FAM171B: variants seen among roughly 807,000 people sequenced by gnomAD.
FAM171B encodes the protein family with sequence similarity 171 member B.
Under a neutral mutation model 75.6 loss-of-function variants are expected in FAM171B, and 19 were observed. The ratio of observed to expected loss-of-function variants is 0.25; its 90% CI spans 0.18 to 0.37. The LOEUF (loss-of-function observed/expected upper bound fraction) is 0.37. Among genes scored for constraint, FAM171B ranks in the 10% least tolerant of loss-of-function variants. FAM171B has a pLI of 1.00. For synonymous variants in FAM171B, 367 were observed against 361.7 expected, an observed-to-expected ratio of 1.01 and a Z score of -0.17; for missense variants, 848 against 982.4, an observed-to-expected ratio of 0.86 and a Z score of 1.83.
chr2:186,760,134 C>T (rs559714757), intron 6 of FAM171B, among the ~76,000 whole-genome samples: 28 of 152,042 alleles, frequency 1.8e-4, no homozygotes, highest in Non-Finnish European at 2.9e-4. Flanking sequence ...TGTTCTGTTC[C>T]ATTGGTCTAT....
In FAM171B at chr2:186,762,721, A is replaced by C. The variant is rs1302473309; in HGVS notation, c.2379A>C (p.Thr793=). ...CTGTTGAAGATTTTGAAGCTAATACATCCCCCACTAAAAGAAGGGGCAGAC... is the reference window on the plus strand; with the variant it reads ...CTGTTGAAGATTTTGAAGCTAATACCTCCCCCACTAAAAGAAGGGGCAGAC... The part of the protein sequence containing the change: ...KSTVEDFEAN[T]SPTKRRGRPP... The change falls in exon 8 of 8, where the codon ACA becomes ACC. Residue 793 remains threonine (T), a synonymous_variant. Transcript: ENST00000304698. The surrounding 1 kb of genome is among the most constrained non-coding windows in gnomAD (Gnocchi z 4.0). 7 of 1,613,140 alleles carry C rather than the reference A, an allele frequency of 4.3e-6. No individual in the cohort carries two copies. The African/African-American group carries it at 9.4e-5, about 22-fold the overall frequency.
At chr2:186,743,625 A>C in intron 3 of FAM171B, 50 bp downstream of exon 3, 1 of 1,222,240 alleles carries the variant, frequency 8.2e-7, no homozygotes. Flanking sequence ...ATTGTCGTAT[A>C]ACTGTACTTC....
At chr2:186,747,070 A>G in intron 3 of FAM171B, 22 bp from the exon 4 acceptor site, 1 of 1,541,866 alleles carries the variant, frequency 6.5e-7, no homozygotes, top group South Asian at 1.3e-5. Context: ...TCTCTTTGTT[A>G]ATGAGGTTTC....
chr2:186,724,521 A>G (rs1322403328), intron 1 of FAM171B, among the ~76,000 whole-genome samples: 1 of 152,184 alleles, frequency 6.6e-6, no homozygotes, highest in African/African-American at 2.4e-5. Flanking sequence ...ATCCTTTACT[A>G]TAATAAAGCA....
intron 1 of FAM171B, among the ~76,000 whole-genome samples, chr2:186,733,875 A>G (rs950605566): frequency 5.5e-4 from 83 of 152,178 alleles, no homozygotes; most frequent in African/African-American, 1.7e-3. Context: ...CAAAGAGGGT[A>G]TCTCAGTCTT....
rs752429047 is a variant in FAM171B, at chr2:186,729,434, A to AT, written c.239-10783dup. 1.2e-3 allele frequency among the ~76,000 whole-genome samples: 159 copies of AT among 128,450 alleles called. 1 individual carries two copies. Among genetic ancestry groups the AT allele is most frequent in the Middle Eastern group, 3.9e-3 (1 of 254 alleles). The allele number at this position is 128,450 out of a possible 152,430, so 84.3% of individuals were successfully genotyped here. A position where few individuals can be genotyped will look rare whatever the true frequency, so the allele number is the denominator to read the frequency against. On this transcript the variant is annotated intron_variant, in intron 1 of 7. Coordinates refer to ENST00000304698, the MANE Select transcript of FAM171B (RefSeq NM_177454.4). ...ATCTGCCCTGTCTAAATGCCAAAGTATTTTTTTTTTTCTGGAGGAGAGAAC... is the reference window on the plus strand; with the variant it reads ...ATCTGCCCTGTCTAAATGCCAAAGTATTTTTTTTTTTTCTGGAGGAGAGAAC...
At chr2:186,757,419 T>C (rs1462308505) in intron 6 of FAM171B, among the ~76,000 whole-genome samples, 1 of 152,138 alleles carries the variant, frequency 6.6e-6, no homozygotes, top group Non-Finnish European at 1.5e-5. Context: ...TATATATATA[T>C]GTTGATTATG....
At chr2:186,753,157 A>T (rs967693741) in intron 5 of FAM171B, among the ~76,000 whole-genome samples, 9 of 151,764 alleles carry the variant, frequency 5.9e-5, no homozygotes, top group South Asian at 2.1e-4. Context: ...TTTTATTATT[A>T]TTTTTTTTCA....
intron 1 of FAM171B, among the ~76,000 whole-genome samples, chr2:186,696,970 C>T (rs1283286548): frequency 6.6e-6 from 1 of 151,432 alleles, no homozygotes; most frequent in Non-Finnish European, 1.5e-5. Flanking sequence ...CTGGTTGGTA[C>T]CCATAGACAT....
intron 6 of FAM171B, among the ~76,000 whole-genome samples, chr2:186,757,766 T>A: frequency 6.6e-6 from 1 of 152,072 alleles, no homozygotes. Context: ...ACAGATACAC[T>A]CTCTTGCTAC....
At chr2:186,732,103 T>C (rs915617148) in intron 1 of FAM171B, among the ~76,000 whole-genome samples, 4 of 152,210 alleles carry the variant, frequency 2.6e-5, no homozygotes, top group African/African-American at 7.2e-5. Flanking sequence ...GAAAAAATTG[T>C]CTTCTCTGAA....
Position 186,761,541 on chromosome 2 carries a change from G to C in FAM171B, c.1199G>C (p.Arg400Thr). 8.1e-6 allele frequency: 13 copies of C among 1,606,336 alleles called. No individual in the cohort carries two copies. Among genetic ancestry groups the C allele is most frequent in the Non-Finnish European group, 1.1e-5 (13 of 1,177,820 alleles). ...RNITKLEVLKRDQTTSTTHIN... is the reference protein window; with the variant it reads ...RNITKLEVLKTDQTTSTTHIN... ...ATCACTAAACTTGAGGTCCTCAAGA[G>C]AGACCAGACAACTTCAACAACACAC... Residue 400 changes from arginine (R) to threonine (T), a missense_variant, in exon 8 of 8, where the codon AGA becomes ACA. Physicochemically the swap from Arg to Thr is moderately conservative, Grantham distance 71 (BLOSUM62 -1). Coordinates refer to ENST00000304698, the MANE Select transcript of FAM171B (RefSeq NM_177454.4).
intron 1 of FAM171B, among the ~76,000 whole-genome samples, chr2:186,728,109 C>G (rs1037474900): frequency 6.6e-5 from 10 of 151,980 alleles, no homozygotes; most frequent in African/African-American, 2.2e-4. Flanking sequence ...CATGGGCAGG[C>G]CCTCAGATGA....
chr2:186,742,643 A>C lies in FAM171B; in HGVS notation c.473-840A>C, dbSNP rs13397586. ...GATTTGAGGATGCCATGCTATTTCTATTAATTTTAAATACACAGCATAGAG... is the reference window on the plus strand; with the variant it reads ...GATTTGAGGATGCCATGCTATTTCTCTTAATTTTAAATACACAGCATAGAG... On this transcript the variant is annotated intron_variant, in intron 2 of 7. Transcript: ENST00000304698. Among the ~76,000 whole-genome samples, 1,275 of 152,256 alleles carry C rather than the reference A, an allele frequency of 8.4e-3. 17 individuals are homozygous for C. Among genetic ancestry groups the C allele is most frequent in the African/African-American group, 0.029 (1,202 of 41,554 alleles).
intron 1 of FAM171B, 129 bp downstream of exon 1, chr2:186,694,540 C>G (rs1689551381): frequency 1.5e-6 from 2 of 1,308,968 alleles, no homozygotes; most frequent in Admixed American, 5.5e-5. Flanking sequence ...CTCCCGATCT[C>G]TCTCCCCAGA....
At chr2:186,727,098 C>T (rs1261356102) in intron 1 of FAM171B, among the ~76,000 whole-genome samples, 1 of 151,976 alleles carries the variant, frequency 6.6e-6, no homozygotes. Flanking sequence ...AGTAAGTATC[C>T]ACATGCTAAC....
rs769554315 is a variant in FAM171B at position 186,762,062 on chromosome 2, A to G, written c.1720A>G (p.Met574Val). ...GGGACAGTTAGTCTATGGCCAATTG[A>G]TGGAACCAGTAAATCGAGAGAACTT... ...RKGQLVYGQL[M>V]EPVNRENFTQ... The change falls in exon 8 of 8, where the codon ATG (methionine) becomes GTG (valine). Residue 574 changes from methionine (M) to valine (V), a missense_variant. By Grantham distance (21) the Met-to-Val change is conservative. Transcript: ENST00000304698. This position sits in a 1 kb window ranked among gnomAD's most constrained non-coding sequence, Gnocchi z 4.0. 6.2e-7 allele frequency: 1 copy of G among 1,613,722 alleles called. No homozygotes were observed. The highest frequency in any genetic ancestry group is 8.5e-7 in the Non-Finnish European group (1 of 1,179,802).
chr2:186,751,134 G>C lies in FAM171B; in HGVS notation c.725G>C (p.Gly242Ala), dbSNP rs1324145468. Residue 242 changes from glycine (G) to alanine (A), a missense_variant and splice_region_variant, in exon 5 of 8, where the codon GGT (glycine) becomes GCT (alanine). By Grantham distance (60) the Gly-to-Ala change is moderately conservative. This residue lies in a region of FAM171B where 665 missense variants were observed against 729.0 expected (regional missense o/e 0.91). Coordinates refer to ENST00000304698, the MANE Select transcript of FAM171B (RefSeq NM_177454.4). ...HTTGITLNKP[G>A]FENIELTPLA... ...TTTAATAAACTGTCTTCTTTTATAG[G>C]TTTTGAAAACATTGAATTGACTCCT... The C allele has an allele frequency of 6.3e-7, 1 of 1,594,434 alleles. No individual in the cohort carries two copies. The highest frequency in any genetic ancestry group is 1.3e-5 in the African/African-American group (1 of 74,456).
intron 1 of FAM171B, among the ~76,000 whole-genome samples, chr2:186,725,205 G>A (rs570144201): frequency 7.2e-5 from 11 of 152,082 alleles, no homozygotes; most frequent in Admixed American, 4.6e-4. Flanking sequence ...TTAGCCGGGC[G>A]TGGTGGCAGG....
Sources: gnomAD v4.1 joint callset for allele counts (sites outside exome capture counted in the v4.1 genomes callset) on GRCh38, gnomAD v4.1.1 for gene constraint, gnomAD v4.1.1 regional missense constraint, Gnocchi (gnomAD v3.1) non-coding constraint, MANE v1.5 for transcripts, NCBI Gene and HGNC (gene_info 2026-07-23, HGNC 2026-07-21) for gene names.